The following KRT72 variants were observed in gnomAD, a reference collection of about 807,000 sequenced individuals.
KRT72 encodes the protein keratin, type II cytoskeletal 72.
In KRT72, 44 loss-of-function variants were observed where a neutral mutation model predicts 44.7. The ratio of observed to expected loss-of-function variants is 0.98; its 90% CI spans 0.77 to 1.27. The LOEUF (loss-of-function observed/expected upper bound fraction) is 1.27. KRT72 is among the 50% of genes most tolerant of loss of function. The pLI, the probability that KRT72 is intolerant of heterozygous loss-of-function variation, is 0.00. For synonymous variants in KRT72, 302 were observed against 280.4 expected (o/e 1.08, Z -0.77); for missense variants, 736 against 667.1 (o/e 1.10, Z -1.14).
intron 1 of KRT72, among the ~76,000 whole-genome samples, chr12:52,600,556 A>G (rs1054755761): frequency 3.9e-5 from 6 of 152,126 alleles, no homozygotes; most frequent in Non-Finnish European, 8.8e-5. Context: ...TTCTCCTGCT[A>G]TTCTCCTAAT....
intron 2 of KRT72, among the ~76,000 whole-genome samples, chr12:52,597,211 GT>G (rs1450249158): frequency 2.6e-5 from 4 of 152,206 alleles, no homozygotes; most frequent in African/African-American, 7.2e-5. Context: ...ACTGTGAAAT[GT>G]TTTAATTGTG....
At chr12:52,588,574 TGGTTGATAGGTGATG>T (rs201692047) in intron 6 of KRT72, among the ~76,000 whole-genome samples, 3,140 of 152,268 alleles carry the variant, frequency 0.021, 102 homozygotes, top group African/African-American at 0.073. Context: ...TCAAGATGCA[TGGTTGATAGGTGATG>T]GGTTGATAGG....
chr12:52,586,204 G>A (rs377729956), intron 8 of KRT72, 32 bp from the exon 9 acceptor site: 19 of 1,590,960 alleles, frequency 1.2e-5, no homozygotes, highest in East Asian at 9.0e-5. Flanking sequence ...CTCAGCCCCC[G>A]TCAGCTCTAG....
chr12:52,598,949 A>T lies in KRT72; in HGVS notation c.590T>A (p.Leu197Gln). 6.2e-7 allele frequency: 1 copy of T among 1,614,186 alleles called. No individual in the cohort carries two copies. The highest frequency in any genetic ancestry group is 8.5e-7 in the Non-Finnish European group (1 of 1,180,042). Residue 197 changes from leucine (L) to glutamine (Q), a missense_variant, in exon 2 of 9, where the codon CTG (leucine) becomes CAG (glutamine). Coordinates refer to ENST00000293745, the MANE Select transcript of KRT72 (RefSeq NM_080747.3). ...LEMLSGDGVR[L>Q]DSELRNMQDL... ...CTGCATGTTCCTCAGCTCCGAATCC[A>T]GCCTCACCCCGTCCCCAGACAGCAT...
chr12:52,586,145 GC>G lies in KRT72; in HGVS notation c.1372del (p.Ala458GlnfsTer184). ...GCCCATGCTGAAGCCAGCCCCTCCT[GC>G]CCCAGCATTGGTGCTGCTGATGACG... Reference protein sequence around the residue: ...ISVISSTNAGAGGAGFSMGFG... With the variant: ...ISVISSTNAGXGGAGFSMGFG... On this transcript the variant is annotated frameshift_variant, in exon 9 of 9. Transcript: ENST00000293745. LOFTEE classifies it high-confidence loss of function. 6.2e-7 allele frequency: 1 copy of G among 1,613,998 alleles called. No homozygotes were observed. The highest frequency in any genetic ancestry group is 8.5e-7 in the Non-Finnish European group (1 of 1,179,964).
rs150279778 is a variant in KRT72 at position 52,594,696 on chromosome 12, C to T, written c.642-1744G>A. On this transcript the variant is annotated intron_variant, in intron 2 of 8. Coordinates refer to ENST00000293745, the MANE Select transcript of KRT72 (RefSeq NM_080747.3). ...AGCAAACCAACACAGCACATGTATA[C>T]ATATGTAGCAAACCTGCACGTTGTG... Among the ~76,000 whole-genome samples, 605 of 152,192 alleles carry T rather than the reference C, an allele frequency of 4.0e-3. 5 individuals are homozygous for T. The highest frequency in any genetic ancestry group is 0.014 in the African/African-American group (569 of 41,518).
At chr12:52,599,252 A>T (rs375006817) in intron 1 of KRT72, 140 bp from the exon 2 acceptor site, 10 of 765,440 alleles carry the variant, frequency 1.3e-5, no homozygotes, top group Middle Eastern at 4.7e-4. Context: ...GGGTGGATTC[A>T]GCCGAGGGAC....
intron 2 of KRT72, among the ~76,000 whole-genome samples, chr12:52,595,833 C>G (rs1160238161): frequency 7.9e-5 from 12 of 152,094 alleles, no homozygotes; most frequent in Admixed American, 7.9e-4. Context: ...CTTGGTAAAG[C>G]CTTATTGAAA....
At position 52,601,212 on chromosome 12, in the gene KRT72, T is replaced by C; in HGVS notation, c.241A>G (p.Ser81Gly). The C allele has an allele frequency of 6.2e-7, 1 of 1,608,514 alleles. No individual in the cohort carries two copies. The highest frequency in any genetic ancestry group is 8.5e-7 in the Non-Finnish European group (1 of 1,177,330). ...LGGFVGTAFG[S>G]AGLGPKCPSV... ...GGACACTTGGGCCCCAGCCCGGCGC[T>C]GCCGAAGGCGGTGCCCACGAAGCCG... Residue 81 changes from serine to glycine, a missense_variant, in exon 1 of 9, where the codon AGC becomes GGC. By Grantham distance (56) the Ser-to-Gly change is moderately conservative (BLOSUM62 0). Transcript: ENST00000293745.
rs142032037 is a variant in KRT72, at chr12:52,591,191, C to G, written c.964-230G>C. 6.3e-4 allele frequency among the ~76,000 whole-genome samples: 96 copies of G among 152,306 alleles called. 1 individual carries two copies. The highest frequency in any genetic ancestry group is 3.4e-3 in the Middle Eastern group (1 of 294). On this transcript the variant is annotated intron_variant, in intron 5 of 8. Transcript: ENST00000293745. ...CATAGAAACTGTGTCAGAATCCTAT[C>G]AGGGTTGTAGCTGGTGTGGCCTCAG... is the stretch of plus-strand genomic sequence containing the variant.
upstream of KRT72, among the ~76,000 whole-genome samples, chr12:52,602,289 G>C (rs1284816611): frequency 6.6e-6 from 1 of 152,154 alleles, no homozygotes; most frequent in Non-Finnish European, 1.5e-5. Flanking sequence ...AGCAGAAGAG[G>C]CTTATTTATC....
intron 2 of KRT72, among the ~76,000 whole-genome samples, chr12:52,595,603 G>A (rs1940202949): frequency 6.6e-6 from 1 of 152,158 alleles, no homozygotes; most frequent in Non-Finnish European, 1.5e-5. Context: ...AATTGAATGA[G>A]GTAAATCTGC....
rs1270645383 is a variant in KRT72 at position 52,585,822 on chromosome 12, T to C, written c.*160A>G. ...AGAGCTCCTGACTGGACTCCTTGCA[T>C]CGAAGCATCACACCTTGAGGACAAC... is the stretch of plus-strand genomic sequence containing the variant. On this transcript the variant is annotated 3_prime_UTR_variant, in exon 9 of 9. Transcript: ENST00000293745. The C allele has an allele frequency of 1.3e-5, 9 of 684,838 alleles. No homozygotes were observed. The Admixed American group carries it at 2.3e-4, about 17-fold the overall frequency. The allele number at this position is 684,838 out of a possible 1,614,324, so 42.4% of individuals were successfully genotyped here. A position where few individuals can be genotyped will look rare whatever the true frequency, so the allele number is the denominator to read the frequency against.
chr12:52,601,299 G>C lies in KRT72; in HGVS notation c.154C>G (p.Leu52Val), dbSNP rs1001826580. ...ASFGSKSLSC[L>V]GGSRSLALSA... ...AGCGCCAGGCTTCGGCTGCCCCCAA[G>C]GCAGGAGAGGCTCTTGCTGCCAAAG... is the stretch of plus-strand genomic sequence containing the variant. The change falls in exon 1 of 9, where the codon CTT becomes GTT. Residue 52 changes from leucine (L) to valine (V), a missense_variant. Physicochemically the swap from Leu to Val is conservative, Grantham distance 32. Coordinates refer to ENST00000293745, the MANE Select transcript of KRT72 (RefSeq NM_080747.3). 5.2e-6 allele frequency: 8 copies of C among 1,548,684 alleles called. No homozygotes were observed. In the African/African-American group the frequency reaches 6.8e-5, roughly 13 times the overall value.
At chr12:52,597,387 T>A (rs983653735) in intron 2 of KRT72, among the ~76,000 whole-genome samples, 2 of 152,186 alleles carry the variant, frequency 1.3e-5, no homozygotes, top group African/African-American at 2.4e-5. Context: ...TAGCATTTCT[T>A]ATGATATATC....
chr12:52,598,922 T>C lies in KRT72; in HGVS notation c.617A>G (p.Asp206Gly). The C allele has an allele frequency of 6.2e-7, 1 of 1,614,144 alleles. No homozygotes were observed. The highest frequency in any genetic ancestry group is 8.5e-7 in the Non-Finnish European group (1 of 1,180,002). The change falls in exon 2 of 9, where the codon GAT becomes GGT. Residue 206 changes from aspartate (D) to glycine (G), a missense_variant. Transcript: ENST00000293745. ...CCTCTTCTTGTAGTCCTCCACCAAA[T>C]CCTGCATGTTCCTCAGCTCCGAATC... ...RLDSELRNMQ[D>G]LVEDYKKRYE...
intron 2 of KRT72, among the ~76,000 whole-genome samples, chr12:52,593,490 G>C (rs1417673666): frequency 2.6e-5 from 4 of 152,218 alleles, no homozygotes; most frequent in Non-Finnish European, 4.4e-5. Context: ...ACATATTGTT[G>C]ATTGGGGAGG....
At chr12:52,593,709 C>T (rs1940137542) in intron 2 of KRT72, among the ~76,000 whole-genome samples, 1 of 152,096 alleles carries the variant, frequency 6.6e-6, no homozygotes, top group Admixed American at 6.5e-5. Flanking sequence ...CTACAATATG[C>T]TACGACATGG....
At position 52,601,372 on chromosome 12, in the gene KRT72, G is replaced by A. The variant is rs567847444; in HGVS notation, c.81C>T (p.Ile27=). 6.5e-7 allele frequency: 1 copy of A among 1,543,034 alleles called. No homozygotes were observed. Among genetic ancestry groups the A allele is most frequent in the South Asian group, 1.2e-5 (1 of 84,064 alleles). Residue 27 remains isoleucine (I), a synonymous_variant, in exon 1 of 9, where the codon ATC becomes ATT. Transcript: ENST00000293745. The part of the protein sequence containing the change: ...SGCSAVLSGG[I]GSSSASFRAR... ...CCCGGAATGAGGCGGAGCTGCTGCC[G>A]ATCCCGCCAGAGAGGACCGCGGAGC...
Sources: gnomAD v4.1 joint callset for allele counts (sites outside exome capture counted in the v4.1 genomes callset) on GRCh38, gnomAD v4.1.1 for gene constraint, MANE v1.5 for transcripts, NCBI Gene and HGNC (gene_info 2026-07-23, HGNC 2026-07-21) for gene names.